The following TXNDC5 variants were observed in gnomAD, a reference collection of about 807,000 sequenced individuals.
TXNDC5 encodes thioredoxin domain containing 5, also known as thioredoxin domain-containing protein 5.
Under a neutral mutation model 52.6 loss-of-function variants are expected in TXNDC5, and 44 were observed. The observed-to-expected ratio is 0.84, with a 90% CI of 0.66 to 1.08. The LOEUF is 1.08. Ranked by LOEUF, TXNDC5 falls within the 50% of genes least tolerant of loss-of-function variation. The probability of loss-of-function intolerance (pLI) is 0.00; values close to 1 mark genes in which losing one functional copy is unlikely to be tolerated. For missense variants in TXNDC5, 600 were observed against 565.5 expected (o/e 1.06, Z -0.62); for synonymous variants, 241 against 234.4 (o/e 1.03, Z -0.26).
At chr6:7,899,527 G>A (rs764497421) in intron 3 of TXNDC5, 49 bp downstream of exon 3, 5 of 1,422,728 alleles carry the variant, frequency 3.5e-6, no homozygotes, top group East Asian at 2.3e-5. Context: ...GATGTAGGCA[G>A]GGAGAGAGGG....
Position 7,910,144 on chromosome 6 carries a change from C to G in TXNDC5, c.263+370G>C, listed in dbSNP as rs1760866805. ...AGGGGTCCGCCCCCTCCTCCCGCACCGCCCCGGCCGCCGAGCGCCACGTCA... is the reference window on the plus strand; with the variant it reads ...AGGGGTCCGCCCCCTCCTCCCGCACGGCCCCGGCCGCCGAGCGCCACGTCA... On this transcript the variant is annotated intron_variant, in intron 1 of 9. Coordinates refer to ENST00000379757, the MANE Select transcript of TXNDC5 (RefSeq NM_030810.5). The G allele has an allele frequency of 5.1e-6, 5 of 988,250 alleles. No individual in the cohort carries two copies. The Admixed American group carries it at 3.1e-4, about 60-fold the overall frequency. The allele number at this position is 988,250 out of a possible 1,614,324, so 61.2% of individuals were successfully genotyped here.
intron 3 of TXNDC5, among the ~76,000 whole-genome samples, chr6:7,896,691 T>C (rs940508850): frequency 1.3e-5 from 2 of 152,134 alleles, no homozygotes; most frequent in East Asian, 1.9e-4. Flanking sequence ...TGGGTGCACA[T>C]AAGGTGAAAT....
intron 2 of TXNDC5, among the ~76,000 whole-genome samples, chr6:7,902,405 G>C (rs765006498): frequency 1.3e-5 from 2 of 151,466 alleles, no homozygotes; most frequent in Non-Finnish European, 2.9e-5. Flanking sequence ...TAGGGAGCGT[G>C]GGAGCCCAAA....
At chr6:7,887,967 T>A (rs149701463) in intron 7 of TXNDC5, among the ~76,000 whole-genome samples, 216 of 152,158 alleles carry the variant, frequency 1.4e-3, no homozygotes, top group African/African-American at 5.0e-3. Flanking sequence ...TTGCCCCCAC[T>A]TCTCTCTAGC....
Position 7,904,555 on chromosome 6 carries a change from C to A in TXNDC5, c.413+19G>T, listed in dbSNP as rs937457932. 1 of 1,612,890 alleles carries A rather than the reference C, an allele frequency of 6.2e-7. No individual in the cohort carries two copies. The highest frequency in any genetic ancestry group is 8.5e-7 in the Non-Finnish European group (1 of 1,179,066). ...GCCAGGAGCCACCTAGGAAGTGTGC[C>A]CCCTTCCTTCCAACTTACGTGGGGT... On this transcript the variant is annotated intron_variant, in intron 2 of 9. Transcript: ENST00000379757.
At chr6:7,892,942 G>A (rs13192025) in intron 4 of TXNDC5, among the ~76,000 whole-genome samples, 4,251 of 152,256 alleles carry the variant, frequency 0.028, 83 homozygotes, top group African/African-American at 0.06. Context: ...CATGGGACAC[G>A]GGAAGCTGGC....
intron 1 of TXNDC5, among the ~76,000 whole-genome samples, chr6:7,905,616 T>C (rs1268195251): frequency 1.3e-5 from 2 of 152,262 alleles, no homozygotes; most frequent in African/African-American, 2.4e-5. Flanking sequence ...CCTTAAGTCA[T>C]ACAGCTGACC....
At chr6:7,886,296 C>T (rs947292364) in intron 7 of TXNDC5, among the ~76,000 whole-genome samples, 2 of 152,064 alleles carry the variant, frequency 1.3e-5, no homozygotes, top group Non-Finnish European at 2.9e-5. Flanking sequence ...GAGGAGGTGG[C>T]TGGACACTGT....
At chr6:7,890,225 G>C (rs1029835567) in intron 5 of TXNDC5, among the ~76,000 whole-genome samples, 1 of 152,096 alleles carries the variant, frequency 6.6e-6, no homozygotes, top group African/African-American at 2.4e-5. Flanking sequence ...CTTGTTCTAA[G>C]TCATTGCTTT....
At chr6:7,888,644 G>A in intron 7 of TXNDC5, 61 bp downstream of exon 7, 1 of 1,551,256 alleles carries the variant, frequency 6.4e-7, no homozygotes, top group Non-Finnish European at 8.7e-7. Context: ...TGAGGGTGGG[G>A]AGGTGGGGGG....
At position 7,910,637 on chromosome 6, in the gene TXNDC5, T is replaced by TCCG. The variant is rs534980705; in HGVS notation, c.137_139dup (p.Ala46dup). ...CTCGCCGTCTGCCGCGGGGGGCCCG[T>TCCG]CCGCCGCCGCCGCCGCCGCCTCCTG... On this transcript the variant is annotated inframe_insertion, in exon 1 of 10. Coordinates refer to ENST00000379757, the MANE Select transcript of TXNDC5 (RefSeq NM_030810.5). 47,604 of 1,233,900 alleles carry TCCG rather than the reference T, an allele frequency of 0.039. 937 individuals carry two copies. The highest frequency in any genetic ancestry group is 0.044 in the Non-Finnish European group (42,291 of 964,032). The allele number at this position is 1,233,900 out of a possible 1,614,324, so 76.4% of individuals were successfully genotyped here.
intron 9 of TXNDC5, among the ~76,000 whole-genome samples, 162 bp from the exon 10 acceptor site, chr6:7,883,428 T>G (rs1247385958): frequency 2.0e-5 from 3 of 152,246 alleles, no homozygotes; most frequent in African/African-American, 7.2e-5. Flanking sequence ...GACTACTGTT[T>G]AGAAAGCACA....
intron 4 of TXNDC5, chr6:7,894,678 C>T (rs1760306313): frequency 2.1e-6 from 2 of 953,930 alleles, no homozygotes; most frequent in Non-Finnish European, 2.5e-6. Context: ...TAAAAAGATG[C>T]TGACAGAGGG....
chr6:7,891,540 A>G (rs1760189942), intron 5 of TXNDC5, 81 bp downstream of exon 5: 3 of 1,165,066 alleles, frequency 2.6e-6, no homozygotes, highest in Non-Finnish European at 3.7e-6. Flanking sequence ...GACTTTGCAC[A>G]CGGAATGAAT....
chr6:7,907,324 G>A (rs906157533), intron 1 of TXNDC5, among the ~76,000 whole-genome samples: 5 of 152,044 alleles, frequency 3.3e-5, no homozygotes, highest in African/African-American at 9.7e-5. Flanking sequence ...CTATCTAGTC[G>A]GCCCTGCGGC....
At chr6:7,906,964 G>A (rs1760756537) in intron 1 of TXNDC5, among the ~76,000 whole-genome samples, 1 of 152,186 alleles carries the variant, frequency 6.6e-6, no homozygotes, top group South Asian at 2.1e-4. Flanking sequence ...AAGAAGCCAT[G>A]ATAGTTCTAA....
At chr6:7,885,825 A>G in intron 8 of TXNDC5, 136 bp downstream of exon 8, 1 of 703,238 alleles carries the variant, frequency 1.4e-6, no homozygotes, top group Admixed American at 3.2e-5. Flanking sequence ...ACGGTTCCTT[A>G]TTTCCTACAA....
chr6:7,910,676 C>A lies in TXNDC5; in HGVS notation c.101G>T (p.Trp34Leu). Residue 34 changes from tryptophan (W) to leucine (L), a missense_variant, in exon 1 of 10, where the codon TGG (tryptophan) becomes TTG (leucine). By Grantham distance (61) the Trp-to-Leu change is moderately conservative. Coordinates refer to ENST00000379757, the MANE Select transcript of TXNDC5 (RefSeq NM_030810.5). ...LLLGHGGGGR[W>L]GARAQEAAAA... ...CGCCGCCTCCTGGGCCCGGGCGCCC[C>A]AGCGCCCGCCGCCGCCATGGCCCAG... 1 of 1,132,868 alleles carries A rather than the reference C, an allele frequency of 8.8e-7. No homozygotes were observed. Among genetic ancestry groups the A allele is most frequent in the Non-Finnish European group, 1.1e-6 (1 of 924,234 alleles). The allele number at this position is 1,132,868 out of a possible 1,614,324, so 70.2% of individuals were successfully genotyped here.
intron 8 of TXNDC5, among the ~76,000 whole-genome samples, 173 bp from the exon 9 acceptor site, chr6:7,884,661 T>C (rs1759897694): frequency 6.6e-6 from 1 of 152,134 alleles, no homozygotes; most frequent in Non-Finnish European, 1.5e-5. Context: ...CCTCCTCCTA[T>C]CCCAAATGAA....
Sources: allele counts gnomAD v4.1 joint callset (sites outside exome capture counted in the v4.1 genomes callset), GRCh38; gene constraint gnomAD v4.1.1; transcripts MANE v1.5; gene names NCBI Gene and HGNC (gene_info 2026-07-23, HGNC 2026-07-21).